CRADD: variants seen among roughly 807,000 people sequenced by gnomAD.
CRADD encodes the protein death domain-containing protein CRADD.
Under a neutral mutation model 15.5 loss-of-function variants are expected in CRADD, and 9 were observed. The observed-to-expected ratio is 0.58, with a 90% CI of 0.35 to 1.01. CRADD has a LOEUF of 1.01. Ranked by LOEUF, CRADD falls within the 50% of genes least tolerant of loss-of-function variation. The probability of loss-of-function intolerance (pLI) is 0.02; values close to 1 mark genes in which losing one functional copy is unlikely to be tolerated. For missense variants in CRADD, 227 were observed against 250.3 expected (o/e 0.91, Z 0.63); for synonymous variants, 118 against 107.6 (o/e 1.10, Z -0.60).
intron 2 of CRADD, among the ~76,000 whole-genome samples, chr12:93,797,797 A>T (rs1255510616): frequency 1.3e-5 from 2 of 152,252 alleles, no homozygotes; most frequent in Non-Finnish European, 2.9e-5. Context: ...ATTAAAAATA[A>T]AGACAAAAGG....
At chr12:93,722,763 C>G (rs1956287494) in intron 2 of CRADD, among the ~76,000 whole-genome samples, 1 of 152,086 alleles carries the variant, frequency 6.6e-6, no homozygotes, top group African/African-American at 2.4e-5. Flanking sequence ...ACAAATTAAC[C>G]ATAGTTGTTT....
At chr12:93,710,630 C>A (rs1706943828) in intron 2 of CRADD, among the ~76,000 whole-genome samples, 1 of 152,154 alleles carries the variant, frequency 6.6e-6, no homozygotes, top group South Asian at 2.1e-4. Context: ...CAGGCGTGAA[C>A]CACCATGCCT....
intron 2 of CRADD, among the ~76,000 whole-genome samples, chr12:93,778,732 T>G (rs1349049927): frequency 2.0e-5 from 3 of 151,892 alleles, no homozygotes; most frequent in African/African-American, 7.3e-5. Flanking sequence ...GGTTTTTTTT[T>G]TTTTTTGGTT....
chr12:93,790,078 T>A (rs996279855), intron 2 of CRADD, among the ~76,000 whole-genome samples: 4 of 152,102 alleles, frequency 2.6e-5, no homozygotes, highest in Admixed American at 6.6e-5. Flanking sequence ...CTTAGTACAG[T>A]TTTTTAGGAA....
intron 2 of CRADD, among the ~76,000 whole-genome samples, chr12:93,890,581 C>T (rs1958569272): frequency 6.6e-6 from 1 of 152,096 alleles, no homozygotes; most frequent in Non-Finnish European, 1.5e-5. Context: ...AGCTTGGGTC[C>T]CTGGGCAGGA....
chr12:93,851,028 T>A (rs182060094), downstream of CRADD, among the ~76,000 whole-genome samples: 2 of 152,308 alleles, frequency 1.3e-5, no homozygotes, highest in African/African-American at 4.8e-5. Context: ...CCTGTGCTGT[T>A]TATTGAAAGC....
At chr12:93,812,206 A>G (rs563004566) in intron 2 of CRADD, among the ~76,000 whole-genome samples, 10 of 152,298 alleles carry the variant, frequency 6.6e-5, no homozygotes, top group South Asian at 4.1e-4. Flanking sequence ...TACTCTATCA[A>G]TCATAGAATG....
intron 2 of CRADD, among the ~76,000 whole-genome samples, chr12:93,763,956 G>A (rs10859571): frequency 0.41 from 61,768 of 151,942 alleles, 13,530 homozygotes; most frequent in East Asian, 0.79. Flanking sequence ...TCTTTTGGTT[G>A]TTCTATCATT....
chr12:93,841,221 ATTAC>A (rs1315313920), intron 2 of CRADD, among the ~76,000 whole-genome samples: 3 of 152,146 alleles, frequency 2.0e-5, no homozygotes, highest in Non-Finnish European at 2.9e-5. Flanking sequence ...TTTTGATTCA[ATTAC>A]TTAATATTTT....
At chr12:93,865,075 C>G (rs1359509361) in intron 2 of CRADD, among the ~76,000 whole-genome samples, 2 of 152,186 alleles carry the variant, frequency 1.3e-5, no homozygotes, top group Non-Finnish European at 2.9e-5. Flanking sequence ...TAGACCAGAA[C>G]GTTCCAACAC....
chr12:93,777,348 A>G (rs1957151542), intron 2 of CRADD, among the ~76,000 whole-genome samples: 1 of 152,116 alleles, frequency 6.6e-6, no homozygotes, highest in African/African-American at 2.4e-5. Context: ...TGAATTTCTT[A>G]CTCGTTGTTC....
In CRADD at chr12:93,713,961, A is replaced by G. The variant is rs528294985; in HGVS notation, c.298+34889A>G. Among the ~76,000 whole-genome samples the G allele has an allele frequency of 6.5e-4, 99 of 152,360 alleles. 1 individual carries two copies. The highest frequency in any genetic ancestry group is 2.3e-3 in the African/African-American group (96 of 41,592). ...CACCTCTCTCAGGAGGAAAGGTGGA[A>G]GGAACTGGTGGATATCACTGTGCAG... On this transcript the variant is annotated intron_variant, in intron 2 of 2. Transcript: ENST00000332896.
intron 2 of CRADD, among the ~76,000 whole-genome samples, chr12:93,827,539 GAC>G (rs1489158625): frequency 6.6e-6 from 1 of 152,174 alleles, no homozygotes; most frequent in Non-Finnish European, 1.5e-5. Flanking sequence ...TCTTTGCATG[GAC>G]ATGGGCTTTC....
intron 2 of CRADD, among the ~76,000 whole-genome samples, chr12:93,889,473 G>A (rs1400774030): frequency 6.6e-6 from 1 of 152,076 alleles, no homozygotes; most frequent in Non-Finnish European, 1.5e-5. Context: ...GATAAAAGGG[G>A]GCATCTTTTC....
At chr12:93,825,999 C>T (rs1330019930) in intron 2 of CRADD, among the ~76,000 whole-genome samples, 1 of 152,192 alleles carries the variant, frequency 6.6e-6, no homozygotes, top group Non-Finnish European at 1.5e-5. Context: ...TTCTCTTCTA[C>T]CTATAAAGTA....
Position 93,850,315 on chromosome 12 carries a change from T to A in CRADD, c.*44T>A. 1 of 1,537,212 alleles carries A rather than the reference T, an allele frequency of 6.5e-7. No individual in the cohort carries two copies. Among genetic ancestry groups the A allele is most frequent in the East Asian group, 2.3e-5 (1 of 43,046 alleles). Reference sequence around the variant, plus strand: ...CTGGGGAGTGTGTCCCTGAGTCATGTGGGCTGAATCCTGACTTTCACTCAG... The same window carrying A: ...CTGGGGAGTGTGTCCCTGAGTCATGAGGGCTGAATCCTGACTTTCACTCAG... On this transcript the variant is annotated 3_prime_UTR_variant, in exon 3 of 3. Coordinates refer to ENST00000332896, the MANE Select transcript of CRADD (RefSeq NM_003805.5). This position sits in a 1 kb window ranked among gnomAD's most constrained non-coding sequence, Gnocchi z 4.0.
chr12:93,706,349 G>C (rs1565880133), intron 2 of CRADD, among the ~76,000 whole-genome samples: 1 of 152,162 alleles, frequency 6.6e-6, no homozygotes, highest in Non-Finnish European at 1.5e-5. Flanking sequence ...TGAAAAATGT[G>C]GGTGATAGAC....
At chr12:93,888,463 G>A (rs1040519755) in intron 2 of CRADD, among the ~76,000 whole-genome samples, 2 of 152,104 alleles carry the variant, frequency 1.3e-5, no homozygotes, top group Non-Finnish European at 2.9e-5. Context: ...AGATAGATGG[G>A]TGGGGGCTCA....
intron 2 of CRADD, among the ~76,000 whole-genome samples, chr12:93,793,307 A>G (rs1041965543): frequency 6.6e-6 from 1 of 152,196 alleles, no homozygotes; most frequent in Non-Finnish European, 1.5e-5. Context: ...TTAATAAGCT[A>G]TATTACTTAA....
Sources: allele counts gnomAD v4.1 joint callset (sites outside exome capture counted in the v4.1 genomes callset), GRCh38; gene constraint gnomAD v4.1.1; non-coding constraint Gnocchi (gnomAD v3.1); transcripts MANE v1.5; gene names NCBI Gene and HGNC (gene_info 2026-07-23, HGNC 2026-07-21).